Variants in CNTNAP3B observed in about 807,000 individuals in gnomAD.
CNTNAP3B encodes contactin-associated protein-like 3B.
In CNTNAP3B, 25 loss-of-function variants were observed where a neutral mutation model predicts 108.9. The observed-to-expected ratio is 0.23, with a 90% CI of 0.17 to 0.32. The LOEUF (loss-of-function observed/expected upper bound fraction) is 0.32, where lower values mean the gene tolerates loss of function less well. Among genes scored for constraint, CNTNAP3B ranks in the 10% least tolerant of loss-of-function variants. The pLI, the probability that CNTNAP3B is intolerant of heterozygous loss-of-function variation, is 1.00. For synonymous variants in CNTNAP3B, 103 were observed against 473.4 expected (o/e 0.22, Z 10.16); for missense variants, 252 against 1,210.4 (o/e 0.21, Z 11.75).
intron 14 of CNTNAP3B, among the ~76,000 whole-genome samples, chr9:41,934,904 A>C (rs1374416025): frequency 6.6e-6 from 1 of 152,284 alleles, no homozygotes; most frequent in African/African-American, 2.4e-5. Flanking sequence ...GGTTACTTTT[A>C]AAGACTCTAA....
chr9:41,943,381 C>A (rs1277483243), intron 13 of CNTNAP3B, among the ~76,000 whole-genome samples: 1 of 124,552 alleles, frequency 8.0e-6, no homozygotes, highest in Admixed American at 1.1e-4. Flanking sequence ...GAGATGGAGT[C>A]TCTCTCTGTC....
At chr9:42,041,702 C>T (rs1378690573) in intron 3 of CNTNAP3B, among the ~76,000 whole-genome samples, 34 of 140,290 alleles carry the variant, frequency 2.4e-4, no homozygotes, top group Middle Eastern at 3.5e-3. Context: ...GATCTAGAAC[C>T]AGAAATACCA....
At chr9:42,061,842 TAG>T (rs1421608376) in intron 3 of CNTNAP3B, among the ~76,000 whole-genome samples, 1 of 77,638 alleles carries the variant, frequency 1.3e-5, no homozygotes, top group Non-Finnish European at 2.6e-5. Context: ...GTCTAACATA[TAG>T]TTTAAGTCTA....
chr9:41,930,542 C>CA (rs1455044480), intron 14 of CNTNAP3B, among the ~76,000 whole-genome samples: 3 of 151,636 alleles, frequency 2.0e-5, no homozygotes, highest in African/African-American at 7.2e-5. Flanking sequence ...GACCCTGTCT[C>CA]AAAAAATACA....
chr9:41,925,480 C>T (rs1823790678), intron 15 of CNTNAP3B, among the ~76,000 whole-genome samples: 1 of 152,236 alleles, frequency 6.6e-6, no homozygotes, highest in African/African-American at 2.4e-5. Context: ...GTAGTCCCAG[C>T]TAGTCGGGAG....
intron 8 of CNTNAP3B, 98 bp from the exon 9 acceptor site, chr9:41,986,409 A>G: frequency 4.9e-6 from 5 of 1,018,894 alleles, no homozygotes; most frequent in Non-Finnish European, 6.9e-6. Flanking sequence ...GTCAGAGAAG[A>G]GTGGTATTTA....
intron 1 of CNTNAP3B, among the ~76,000 whole-genome samples, chr9:42,118,260 T>G (rs865877064): frequency 1.4e-5 from 2 of 139,366 alleles, no homozygotes; most frequent in African/African-American, 5.7e-5. Flanking sequence ...TGATGAACAT[T>G]GATGCAAAAA....
rs56816783 is a variant in CNTNAP3B, at chr9:42,034,186, GTATC to G, written c.391-20665_391-20662del. ...TATCTATATGTATGTATGTATATAT[GTATC>G]TATCTATCTATCTATCTATCTATTT... is the stretch of plus-strand genomic sequence containing the variant. On this transcript the variant is annotated intron_variant, in intron 3 of 23. Coordinates refer to ENST00000377561, the MANE Select transcript of CNTNAP3B (RefSeq NM_001201380.3). Among the ~76,000 whole-genome samples the G allele has an allele frequency of 6.9e-3, 862 of 124,364 alleles. 161 individuals carry two copies. The highest frequency in any genetic ancestry group is 0.024 in the African/African-American group (740 of 30,206). The allele number at this position is 124,364 out of a possible 152,430, so 81.6% of individuals were successfully genotyped here.
At chr9:42,064,767 C>T (rs938404864) in intron 3 of CNTNAP3B, among the ~76,000 whole-genome samples, 2 of 135,458 alleles carry the variant, frequency 1.5e-5, no homozygotes, top group South Asian at 2.4e-4. Context: ...CATCATGGTG[C>T]TACAAAGGAC....
intron 12 of CNTNAP3B, among the ~76,000 whole-genome samples, chr9:41,958,283 T>A (rs1376723816): frequency 6.6e-6 from 1 of 152,304 alleles, no homozygotes; most frequent in East Asian, 1.9e-4. Flanking sequence ...GTTGTTGTTG[T>A]TGTTGTCACA....
chr9:41,951,175 T>C (rs1034425280), intron 13 of CNTNAP3B, among the ~76,000 whole-genome samples: 2 of 144,164 alleles, frequency 1.4e-5, no homozygotes, highest in African/African-American at 5.2e-5. Context: ...GGGGAACTGC[T>C]TAACGGCTAT....
At chr9:41,967,030 C>A (rs1825300213) in intron 10 of CNTNAP3B, among the ~76,000 whole-genome samples, 1 of 149,978 alleles carries the variant, frequency 6.7e-6, no homozygotes, top group African/African-American at 2.5e-5. Flanking sequence ...CTCTGTCATC[C>A]AAAGTGCCCA....
chr9:42,095,988 C>G (rs1305605234), intron 2 of CNTNAP3B, among the ~76,000 whole-genome samples: 1 of 138,234 alleles, frequency 7.2e-6, no homozygotes, highest in Admixed American at 7.2e-5. Context: ...TTTTGGTGAC[C>G]CTTTCTCCTC....
chr9:41,964,486 A>G (rs1825204217), intron 11 of CNTNAP3B, 52 bp downstream of exon 11: 1 of 1,429,596 alleles, frequency 7.0e-7, no homozygotes, highest in Non-Finnish European at 9.3e-7. Flanking sequence ...ACTAATCAAA[A>G]TGAAATGACA....
intron 12 of CNTNAP3B, chr9:41,959,999 T>G (rs1415301426): frequency 2.4e-4 from 7 of 29,316 alleles, no homozygotes; most frequent in African/African-American, 9.5e-4. Context: ...TTTTTTCCTT[T>G]TTTTTTTTTT....
intron 8 of CNTNAP3B, among the ~76,000 whole-genome samples, chr9:41,990,381 T>C (rs1269967786): frequency 7.8e-6 from 1 of 128,608 alleles, no homozygotes; most frequent in African/African-American, 3.2e-5. Context: ...AATATACGTC[T>C]CCTCTGAATA....
At chr9:41,926,097 T>C (rs1823811714) in intron 15 of CNTNAP3B, among the ~76,000 whole-genome samples, 1 of 152,288 alleles carries the variant, frequency 6.6e-6, no homozygotes, top group Non-Finnish European at 1.5e-5. Context: ...ATTATGTATA[T>C]TAAAATCCAT....
intron 2 of CNTNAP3B, among the ~76,000 whole-genome samples, chr9:42,100,289 A>G (rs1827995443): frequency 1.4e-5 from 1 of 71,246 alleles, no homozygotes; most frequent in South Asian, 4.7e-4. Context: ...ATACACTAAA[A>G]CATTCCAGCT....
intron 3 of CNTNAP3B, among the ~76,000 whole-genome samples, chr9:42,030,834 G>GAGAT (rs1826512195): frequency 7.9e-6 from 1 of 126,508 alleles, no homozygotes; most frequent in South Asian, 2.6e-4. Flanking sequence ...GAGAGAGAGA[G>GAGAT]AGAGAGAGAG....
Sources: gnomAD v4.1 joint callset for allele counts (sites outside exome capture counted in the v4.1 genomes callset) on GRCh38, gnomAD v4.1.1 for gene constraint, MANE v1.5 for transcripts, NCBI Gene and HGNC (gene_info 2026-07-23, HGNC 2026-07-21) for gene names.